Variants in RAD54B observed in about 807,000 individuals in gnomAD.
RAD54B encodes DNA repair and recombination protein RAD54B.
In RAD54B, 78 loss-of-function variants were observed where a neutral mutation model predicts 95.8. The ratio of observed to expected loss-of-function variants is 0.81; its 90% confidence interval spans 0.68 to 0.98. The LOEUF (loss-of-function observed/expected upper bound fraction) is 0.98. RAD54B is among the 50% of genes least tolerant of loss of function. The pLI is 0.00. For missense variants in RAD54B, 957 were observed against 1,056.6 expected (o/e 0.91, Z 1.31); for synonymous variants, 328 against 354.9 (o/e 0.92, Z 0.85).
intron 12 of RAD54B, among the ~76,000 whole-genome samples, chr8:94,379,030 T>C (rs745497337): frequency 5.3e-5 from 8 of 152,352 alleles, no homozygotes; most frequent in South Asian, 2.1e-4. Context: ...GCTAAGGCTC[T>C]AGGTGGATCC....
rs539641872 is a variant in RAD54B at position 94,378,682 on chromosome 8, C to A, written c.2248-48G>T. Reference sequence around the variant, plus strand: ...CTGAGAGTACAGTAGAAACTAATGGCCCCTTCCACACATGCAATTTGCAGA... The same window carrying A: ...CTGAGAGTACAGTAGAAACTAATGGACCCTTCCACACATGCAATTTGCAGA... On this transcript the variant is annotated intron_variant, in intron 12 of 14. Transcript: ENST00000336148. The A allele has an allele frequency of 2.2e-5, 28 of 1,280,984 alleles. No individual in the cohort carries two copies. In the South Asian group the frequency reaches 3.4e-4, roughly 15 times the overall value. The allele number at this position is 1,280,984 out of a possible 1,614,324, so 79.4% of individuals were successfully genotyped here.
chr8:94,411,031 T>C, intron 4 of RAD54B, 90 bp downstream of exon 4: 1 of 1,009,864 alleles, frequency 9.9e-7, no homozygotes, highest in South Asian at 1.5e-5. Flanking sequence ...TTATCATCTC[T>C]TTATAAAACC....
At chr8:94,436,644 G>A (rs1160440699) in intron 3 of RAD54B, 1 of 1,550,514 alleles carries the variant, frequency 6.4e-7, no homozygotes, top group South Asian at 1.2e-5. Flanking sequence ...CATATTCTTT[G>A]AGCCTTTTAT....
intron 3 of RAD54B, among the ~76,000 whole-genome samples, chr8:94,456,889 C>A (rs1812792041): frequency 6.6e-6 from 1 of 152,124 alleles, no homozygotes; most frequent in Non-Finnish European, 1.5e-5. Flanking sequence ...AGGAGGGTAT[C>A]AGGAGGTTGG....
At chr8:94,446,664 G>A (rs1484641906) in intron 3 of RAD54B, among the ~76,000 whole-genome samples, 3 of 152,144 alleles carry the variant, frequency 2.0e-5, no homozygotes, top group African/African-American at 7.2e-5. Flanking sequence ...CCACCCTGAA[G>A]TACACTGCAC....
At position 94,372,309 on chromosome 8, in the gene RAD54B, G is replaced by A; in HGVS notation, c.2594C>T (p.Pro865Leu). The A allele has an allele frequency of 6.2e-7, 1 of 1,613,842 alleles. No individual in the cohort carries two copies. Among genetic ancestry groups the A allele is most frequent in the East Asian group, 2.2e-5 (1 of 44,794 alleles). ...PHHQKSNSLKPLSMSQLKQWK... is the reference protein window; with the variant it reads ...PHHQKSNSLKLLSMSQLKQWK... ...TTGCTTCAGCTGGGACATAGAAAGA[G>A]GTTTCAGGGAGTTAGATTTCTGGTG... Residue 865 changes from proline (P) to leucine (L), a missense_variant, in exon 15 of 15, where the codon CCT (proline) becomes CTT (leucine). Transcript: ENST00000336148.
chr8:94,379,839 A>G (rs1477730287), intron 12 of RAD54B, among the ~76,000 whole-genome samples: 5 of 152,198 alleles, frequency 3.3e-5, no homozygotes, highest in Non-Finnish European at 1.5e-5. Flanking sequence ...CTAAAGGCCA[A>G]CTCTGCAGTA....
In RAD54B at chr8:94,404,068, T is replaced by C. The variant is rs1370219270; in HGVS notation, c.944+9A>G. On this transcript the variant is annotated intron_variant, in intron 6 of 14. Coordinates refer to ENST00000336148, the MANE Select transcript of RAD54B (RefSeq NM_012415.3). ...CAGATTAGATTAAACAAATGATTTA[T>C]TTTCCTACCTCATTCCCATTACACA... 3 of 1,569,812 alleles carry C rather than the reference T, an allele frequency of 1.9e-6. No individual in the cohort carries two copies. Among genetic ancestry groups the C allele is most frequent in the South Asian group, 2.4e-5 (2 of 84,750 alleles).
chr8:94,471,842 T>C (rs1813179598), intron 1 of RAD54B, among the ~76,000 whole-genome samples: 1 of 151,924 alleles, frequency 6.6e-6, no homozygotes, highest in Non-Finnish European at 1.5e-5. Flanking sequence ...AATTGTAAGA[T>C]ATACTCTTGA....
At chr8:94,443,031 T>C (rs1210729184) in intron 3 of RAD54B, among the ~76,000 whole-genome samples, 1 of 152,204 alleles carries the variant, frequency 6.6e-6, no homozygotes, top group African/African-American at 2.4e-5. Context: ...AATTGTAACC[T>C]TGGGTGTGCA....
At chr8:94,428,689 AG>A in intron 3 of RAD54B, 1 of 857,692 alleles carries the variant, frequency 1.2e-6, no homozygotes, top group Non-Finnish European at 1.4e-6. Flanking sequence ...AATCCACAGT[AG>A]TTCAATCTGC....
At chr8:94,431,504 G>C (rs1001115919) in intron 3 of RAD54B, 2 of 981,150 alleles carry the variant, frequency 2.0e-6, no homozygotes, top group Non-Finnish European at 2.4e-6. Flanking sequence ...ATAGCGGGAT[G>C]GAAATTACAC....
intron 3 of RAD54B, among the ~76,000 whole-genome samples, chr8:94,453,382 T>G (rs1453677202): frequency 6.6e-6 from 1 of 152,012 alleles, no homozygotes; most frequent in Admixed American, 6.6e-5. Context: ...TACAAAAAAA[T>G]TAGCCAGGTG....
chr8:94,465,630 C>T (rs1233346651), intron 2 of RAD54B, among the ~76,000 whole-genome samples: 1 of 152,096 alleles, frequency 6.6e-6, no homozygotes, highest in Non-Finnish European at 1.5e-5. Context: ...CACAGAATTA[C>T]CATAATACCC....
At chr8:94,440,233 T>A (rs1812368388) in intron 3 of RAD54B, among the ~76,000 whole-genome samples, 1 of 151,834 alleles carries the variant, frequency 6.6e-6, no homozygotes, top group South Asian at 2.1e-4. Context: ...TAGTCCTCAA[T>A]GCAGACAGCA....
intron 10 of RAD54B, among the ~76,000 whole-genome samples, chr8:94,389,295 C>T (rs891797612): frequency 1.3e-5 from 2 of 152,156 alleles, no homozygotes; most frequent in African/African-American, 2.4e-5. Context: ...ACCAAGAACA[C>T]GTATTAGAAT....
At chr8:94,439,781 TG>T (rs1332376835) in intron 3 of RAD54B, among the ~76,000 whole-genome samples, 3 of 152,128 alleles carry the variant, frequency 2.0e-5, no homozygotes, top group African/African-American at 4.8e-5. Flanking sequence ...AGAAAGGAAA[TG>T]TATGTTCAGG....
At chr8:94,434,384 GAGA>G (rs1812201092) in intron 3 of RAD54B, among the ~76,000 whole-genome samples, 1 of 151,822 alleles carries the variant, frequency 6.6e-6, no homozygotes, top group Non-Finnish European at 1.5e-5. Context: ...AAAAATGACA[GAGA>G]AGGACTTGAG....
chr8:94,473,617 G>A (rs1428659709), intron 1 of RAD54B, among the ~76,000 whole-genome samples: 1 of 152,204 alleles, frequency 6.6e-6, no homozygotes, highest in Non-Finnish European at 1.5e-5. Flanking sequence ...GTCCTGTGAA[G>A]GAGATAGAGA....
Sources: gnomAD v4.1 joint callset for allele counts (sites outside exome capture counted in the v4.1 genomes callset) on GRCh38, gnomAD v4.1.1 for gene constraint, MANE v1.5 for transcripts, NCBI Gene and HGNC (gene_info 2026-07-23, HGNC 2026-07-21) for gene names.